The following PLCH1 variants were observed in gnomAD, a reference collection of about 807,000 sequenced individuals.
PLCH1 encodes the protein 1-phosphatidylinositol 4,5-bisphosphate phosphodiesterase eta-1.
In PLCH1, 60 loss-of-function variants were observed where a neutral mutation model predicts 126.7. That is an observed-to-expected ratio of 0.47 (90% CI 0.38 to 0.59). PLCH1 has a LOEUF of 0.59. Ranked by LOEUF, PLCH1 falls within the 20% of genes least tolerant of loss-of-function variation. The pLI is 0.00. For missense variants in PLCH1, 1,723 were observed against 2,040.0 expected (o/e 0.84, Z 2.99); for synonymous variants, 719 against 734.9 (o/e 0.98, Z 0.35).
intron 2 of PLCH1, among the ~76,000 whole-genome samples, chr3:155,611,733 G>A (rs974328836): frequency 6.6e-6 from 1 of 151,988 alleles, no homozygotes; most frequent in Non-Finnish European, 1.5e-5. Flanking sequence ...TTCAGCACAT[G>A]GAACATTCTC....
downstream of PLCH1, among the ~76,000 whole-genome samples, chr3:155,475,257 T>C (rs368203488): frequency 2.2e-4 from 34 of 152,096 alleles, no homozygotes; most frequent in East Asian, 2.7e-3. Flanking sequence ...TTAAAATTTC[T>C]ACAGGATCTA....
intron 2 of PLCH1, among the ~76,000 whole-genome samples, chr3:155,651,783 A>G (rs932806250): frequency 3.9e-5 from 6 of 152,176 alleles, no homozygotes; most frequent in African/African-American, 1.2e-4. Context: ...CCTTCTTTCA[A>G]TTTTATTGAT....
chr3:155,661,352 T>C (rs1742115312), intron 2 of PLCH1, among the ~76,000 whole-genome samples: 1 of 152,114 alleles, frequency 6.6e-6, no homozygotes, highest in East Asian at 1.9e-4. Context: ...CATATTTTGA[T>C]TAGCCCATCT....
chr3:155,630,768 T>C (rs904035922), intron 2 of PLCH1, among the ~76,000 whole-genome samples: 2 of 152,206 alleles, frequency 1.3e-5, no homozygotes, highest in African/African-American at 4.8e-5. Context: ...TTAAGGATAA[T>C]TCATATTCTT....
intron 18 of PLCH1, 40 bp from the exon 19 acceptor site, chr3:155,490,908 T>G: frequency 9.4e-7 from 1 of 1,065,294 alleles, no homozygotes; most frequent in Non-Finnish European, 1.5e-6. Context: ...AATAACATAT[T>G]TCTATACATA....
chr3:155,632,546 A>T (rs944632945), intron 2 of PLCH1, among the ~76,000 whole-genome samples: 2 of 152,208 alleles, frequency 1.3e-5, no homozygotes, highest in African/African-American at 4.8e-5. Flanking sequence ...GACTAGGCCT[A>T]TGTCAATTTA....
intron 13 of PLCH1, among the ~76,000 whole-genome samples, chr3:155,502,495 G>A (rs563337325): frequency 7.9e-5 from 12 of 152,272 alleles, no homozygotes; most frequent in Non-Finnish European, 2.9e-5. Flanking sequence ...GTAATGACAA[G>A]TTGCAATCCA....
chr3:155,465,979 C>T (rs1386169457), intron 21 of PLCH1, among the ~76,000 whole-genome samples: 2 of 152,206 alleles, frequency 1.3e-5, no homozygotes, highest in Admixed American at 6.5e-5. Context: ...CAACAGAACA[C>T]CGGATAGATT....
chr3:155,635,604 T>G (rs1393592120), intron 2 of PLCH1, among the ~76,000 whole-genome samples: 1 of 152,222 alleles, frequency 6.6e-6, no homozygotes, highest in Non-Finnish European at 1.5e-5. Flanking sequence ...GACATATGCT[T>G]CTTCTTAAAC....
intron 2 of PLCH1, among the ~76,000 whole-genome samples, chr3:155,652,690 A>G (rs939433463): frequency 5.3e-5 from 8 of 152,112 alleles, no homozygotes; most frequent in African/African-American, 1.7e-4. Context: ...CAGACCACTG[A>G]TTCCTCCTCA....
At chr3:155,645,932 A>T (rs560823238) in intron 2 of PLCH1, among the ~76,000 whole-genome samples, 1 of 152,136 alleles carries the variant, frequency 6.6e-6, no homozygotes, top group Non-Finnish European at 1.5e-5. Flanking sequence ...CTTGGGATTG[A>T]CTAGTTTGAA....
chr3:155,480,265 T>C lies in PLCH1; in HGVS notation c.*703A>G, dbSNP rs1713810544. 6.6e-6 allele frequency: 1 copy of C among 152,638 alleles called. No individual in the cohort carries two copies. The highest frequency in any genetic ancestry group is 1.5e-5 in the Non-Finnish European group (1 of 68,050). 9.5% of individuals were successfully genotyped at this position (152,638 alleles called of 1,614,324 possible). A position where few individuals can be genotyped will look rare whatever the true frequency, so the allele number is the denominator to read the frequency against. On this transcript the variant is annotated 3_prime_UTR_variant, in exon 23 of 23. Transcript: ENST00000460012. ...GTTTGGCAACTCGCTTCTTGTTACA[T>C]ACAAAGCCATTAGCAAAAATATGTA... is the stretch of plus-strand genomic sequence containing the variant.
chr3:155,532,862 TAC>T (rs1217475324), intron 10 of PLCH1, among the ~76,000 whole-genome samples: 1 of 152,208 alleles, frequency 6.6e-6, no homozygotes, highest in Non-Finnish European at 1.5e-5. Flanking sequence ...GGTACTGCTA[TAC>T]AGATACTTGA....
At chr3:155,611,804 T>C (rs1039318291) in intron 2 of PLCH1, among the ~76,000 whole-genome samples, 2 of 152,160 alleles carry the variant, frequency 1.3e-5, no homozygotes, top group African/African-American at 4.8e-5. Context: ...AAATAAAAAT[T>C]ATACCATGTA....
intron 2 of PLCH1, among the ~76,000 whole-genome samples, chr3:155,694,952 C>CTTTTTT (rs201292066): frequency 2.6e-5 from 3 of 115,242 alleles, no homozygotes; most frequent in Non-Finnish European, 5.2e-5. Flanking sequence ...AAAGCTAGTG[C>CTTTTTT]TTTTTTTTTT....
intron 11 of PLCH1, among the ~76,000 whole-genome samples, chr3:155,522,012 A>G (rs558347733): frequency 1.1e-3 from 161 of 152,320 alleles, no homozygotes; most frequent in African/African-American, 3.7e-3. Context: ...CCAGTTGGAT[A>G]CTCCAATTTG....
chr3:155,690,046 T>TA (rs1008548264), intron 2 of PLCH1, among the ~76,000 whole-genome samples: 176 of 101,000 alleles, frequency 1.7e-3, no homozygotes, highest in Non-Finnish European at 2.1e-3. Context: ...AAAAAAAGAA[T>TA]AAAAAAAAAA....
intron 4 of PLCH1, among the ~76,000 whole-genome samples, chr3:155,588,163 G>A (rs976143607): frequency 7.9e-5 from 12 of 152,036 alleles, no homozygotes; most frequent in African/African-American, 2.4e-4. Context: ...TTTTCAGATC[G>A]CCTTACTTCA....
chr3:155,679,315 G>A (rs1165595349), intron 2 of PLCH1, among the ~76,000 whole-genome samples: 1 of 152,084 alleles, frequency 6.6e-6, no homozygotes, highest in East Asian at 1.9e-4. Flanking sequence ...AACACAATGG[G>A]GGTGGTGGGG....
Sources: gnomAD v4.1 joint callset for allele counts (sites outside exome capture counted in the v4.1 genomes callset) on GRCh38, gnomAD v4.1.1 for gene constraint, MANE v1.5 for transcripts, NCBI Gene and HGNC (gene_info 2026-07-23, HGNC 2026-07-21) for gene names.